Variants in CABLES1 observed in about 807,000 individuals in gnomAD.
CABLES1 encodes CDK5 and ABL1 enzyme substrate 1.
CABLES1 carries 36 observed loss-of-function variants against 57.8 expected under a neutral mutation model. The ratio of observed to expected loss-of-function variants is 0.62; its 90% CI spans 0.48 to 0.82. The LOEUF is 0.82. Ranked by LOEUF, CABLES1 falls within the 40% of genes least tolerant of loss-of-function variation. The pLI is 0.00. For synonymous variants in CABLES1, 374 were observed against 363.0 expected (o/e 1.03, Z -0.35); for missense variants, 767 against 836.6 (o/e 0.92, Z 1.03).
At chr18:23,219,143 G>A in intron 4 of CABLES1, 1 of 453,888 alleles carries the variant, frequency 2.2e-6, no homozygotes, top group South Asian at 1.6e-5. Flanking sequence ...GCAGCCTGGT[G>A]AGCACCTACT....
intron 7 of CABLES1, among the ~76,000 whole-genome samples, chr18:23,250,426 G>A (rs1164449640): frequency 2.0e-5 from 3 of 152,210 alleles, no homozygotes; most frequent in Admixed American, 2.0e-4. Context: ...CCCAGCTTGA[G>A]GCGAGCATGT....
rs566214895 is a variant in CABLES1 at position 23,156,734 on chromosome 18, T to G, written c.845+20127T>G. Among the ~76,000 whole-genome samples the G allele has an allele frequency of 1.2e-3, 177 of 152,326 alleles. 1 individual carries two copies. The highest frequency in any genetic ancestry group is 1.4e-3 in the Non-Finnish European group (93 of 68,032). On this transcript the variant is annotated intron_variant, in intron 1 of 9. Transcript: ENST00000256925. ...ACCTAATTTAATATATATTATTGAC[T>G]CTTCATTGACAGCGGCATTGTAACA...
chr18:23,165,920 A>G (rs2047039215), intron 1 of CABLES1, among the ~76,000 whole-genome samples: 1 of 152,174 alleles, frequency 6.6e-6, no homozygotes, highest in Non-Finnish European at 1.5e-5. Flanking sequence ...ACTTGAATGC[A>G]GTGATTCCTT....
intron 9 of CABLES1, among the ~76,000 whole-genome samples, chr18:23,256,869 C>T (rs2048179792): frequency 6.6e-6 from 1 of 152,234 alleles, no homozygotes; most frequent in Non-Finnish European, 1.5e-5. Flanking sequence ...ACTCTTAGTG[C>T]TGCAATTGGC....
At chr18:23,234,802 G>C in intron 5 of CABLES1, 98 bp downstream of exon 5, 1 of 961,584 alleles carries the variant, frequency 1.0e-6, no homozygotes, top group South Asian at 1.4e-5. Flanking sequence ...TTGAGGTGGA[G>C]GACTCGAGGT....
At chr18:23,156,786 T>C (rs2046969020) in intron 1 of CABLES1, among the ~76,000 whole-genome samples, 2 of 152,210 alleles carry the variant, frequency 1.3e-5, no homozygotes, top group African/African-American at 4.8e-5. Flanking sequence ...TTCTTGAACA[T>C]GTTTTTTCTC....
At chr18:23,181,355 A>T (rs2145004930) in intron 1 of CABLES1, among the ~76,000 whole-genome samples, 1 of 151,928 alleles carries the variant, frequency 6.6e-6, no homozygotes, top group South Asian at 2.1e-4. Context: ...AATTAGCCGG[A>T]TGTGGTGGTA....
chr18:23,173,109 A>C (rs1186084730), intron 1 of CABLES1, among the ~76,000 whole-genome samples: 1 of 152,074 alleles, frequency 6.6e-6, no homozygotes, highest in Non-Finnish European at 1.5e-5. Flanking sequence ...ATGGAGAGAG[A>C]GGGTGGATGA....
intron 7 of CABLES1, among the ~76,000 whole-genome samples, chr18:23,243,397 T>C (rs2047785253): frequency 6.6e-6 from 1 of 151,516 alleles, no homozygotes; most frequent in African/African-American, 2.4e-5. Flanking sequence ...GGTTAAGTGT[T>C]CACATCAAGG....
At chr18:23,163,812 G>A (rs781730090) in intron 1 of CABLES1, among the ~76,000 whole-genome samples, 1 of 152,104 alleles carries the variant, frequency 6.6e-6, no homozygotes, top group South Asian at 2.1e-4. Context: ...TTCCTTCCCC[G>A]CATGGAGGAG....
chr18:23,163,871 G>A (rs1293880949), intron 1 of CABLES1, among the ~76,000 whole-genome samples: 2 of 152,170 alleles, frequency 1.3e-5, no homozygotes, highest in Non-Finnish European at 2.9e-5. Context: ...TTGTTCATTA[G>A]TATTTTAAAA....
chr18:23,231,924 G>A (rs926768182), intron 4 of CABLES1, among the ~76,000 whole-genome samples: 6 of 152,172 alleles, frequency 3.9e-5, no homozygotes, highest in Non-Finnish European at 8.8e-5. Context: ...CTGCCCCGGG[G>A]AAGCAGTGAG....
chr18:23,162,169 A>G, intron 1 of CABLES1, among the ~76,000 whole-genome samples: 1 of 54,072 alleles, frequency 1.8e-5, no homozygotes, highest in East Asian at 5.7e-4. Flanking sequence ...CTGTCTCAAA[A>G]AAAAAACAAC....
intron 4 of CABLES1, among the ~76,000 whole-genome samples, chr18:23,226,792 T>G (rs1295363819): frequency 2.0e-5 from 3 of 152,180 alleles, no homozygotes; most frequent in Non-Finnish European, 4.4e-5. Context: ...GGGTTGGTAT[T>G]TCTGTACACA....
At position 23,135,680 on chromosome 18, in the gene CABLES1, GCCGCCGCTCGCGC is replaced by G; in HGVS notation, c.-74_-62del. 1.0e-6 allele frequency: 1 copy of G among 980,620 alleles called. No homozygotes were observed. The highest frequency in any genetic ancestry group is 1.8e-5 in the African/African-American group (1 of 56,806). The allele number at this position is 980,620 out of a possible 1,614,324, so 60.7% of individuals were successfully genotyped here. A position where few individuals can be genotyped will look rare whatever the true frequency, so the allele number is the denominator to read the frequency against. ...CCCCGCGCCCTACCCAGCCCGGGTC[GCCGCCGCTCGCGC>G]CCGCCGCTTAGCGCTCGGGCGCCGC... On this transcript the variant is annotated 5_prime_UTR_variant, in exon 1 of 10. The change abolishes the stop of an existing upstream ORF in the 5' untranslated region. Coordinates refer to ENST00000256925, the MANE Select transcript of CABLES1 (RefSeq NM_001100619.3).
chr18:23,257,105 C>A, intron 9 of CABLES1, 122 bp from the exon 10 acceptor site: 1 of 1,109,884 alleles, frequency 9.0e-7, no homozygotes, highest in Non-Finnish European at 1.3e-6. Flanking sequence ...CTCCACAGAG[C>A]TTTGCCCAAA....
At chr18:23,225,524 A>G (rs796595376) in intron 4 of CABLES1, among the ~76,000 whole-genome samples, 4 of 152,194 alleles carry the variant, frequency 2.6e-5, no homozygotes, top group African/African-American at 9.6e-5. Flanking sequence ...ACCTTTCAAA[A>G]CAAGCCCATT....
intron 1 of CABLES1, among the ~76,000 whole-genome samples, chr18:23,153,825 G>A (rs556587991): frequency 6.6e-6 from 1 of 152,264 alleles, no homozygotes; most frequent in Admixed American, 6.5e-5. Context: ...GAGACTAGGA[G>A]TTTGAGACCA....
intron 4 of CABLES1, among the ~76,000 whole-genome samples, chr18:23,227,305 TTG>T (rs1333814106): frequency 6.6e-5 from 10 of 152,208 alleles, no homozygotes; most frequent in African/African-American, 2.4e-4. Flanking sequence ...CATTCACAAA[TTG>T]TGTTTCTTTC....
Sources: gnomAD v4.1 joint callset for allele counts (sites outside exome capture counted in the v4.1 genomes callset) on GRCh38, gnomAD v4.1.1 for gene constraint, MANE v1.5 for transcripts, NCBI Gene and HGNC (gene_info 2026-07-23, HGNC 2026-07-21) for gene names.